The following GRID1 variants were observed in gnomAD, a reference collection of about 807,000 sequenced individuals.
The protein encoded by GRID1 is glutamate receptor ionotropic, delta-1.
Under a neutral mutation model 98.0 loss-of-function variants are expected in GRID1, and 28 were observed. The ratio of observed to expected loss-of-function variants is 0.29; its 90% CI spans 0.21 to 0.39. GRID1 has a LOEUF of 0.39. Among genes scored for constraint, GRID1 ranks in the 10% least tolerant of loss-of-function variants. The pLI, the probability that GRID1 is intolerant of heterozygous loss-of-function variation, is 1.00. For missense variants in GRID1, 1,111 were observed against 1,340.5 expected (o/e 0.83, Z 2.67); for synonymous variants, 553 against 538.5 (o/e 1.03, Z -0.37).
At chr10:85,825,536 A>G (rs1173625149) in intron 8 of GRID1, among the ~76,000 whole-genome samples, 1 of 152,140 alleles carries the variant, frequency 6.6e-6, no homozygotes, top group Non-Finnish European at 1.5e-5. Flanking sequence ...TTTGAATTTA[A>G]TTATGTTAAA....
At chr10:85,665,629 G>A (rs1294587181) in intron 12 of GRID1, among the ~76,000 whole-genome samples, 1 of 152,184 alleles carries the variant, frequency 6.6e-6, no homozygotes, top group Non-Finnish European at 1.5e-5. Flanking sequence ...TTGCTTGACA[G>A]TCTAATTCCA....
chr10:86,303,877 T>G (rs1847723672), intron 2 of GRID1, among the ~76,000 whole-genome samples: 1 of 152,258 alleles, frequency 6.6e-6, no homozygotes, highest in African/African-American at 2.4e-5. Flanking sequence ...CTCTAAGATC[T>G]GCCTCCACAT....
chr10:85,971,482 T>C (rs912475044), intron 4 of GRID1, among the ~76,000 whole-genome samples: 1 of 149,674 alleles, frequency 6.7e-6, no homozygotes, highest in Non-Finnish European at 1.5e-5. Context: ...AATTATCCTG[T>C]AAATCAAAAA....
chr10:86,133,569 C>G (rs1403219439), intron 4 of GRID1, among the ~76,000 whole-genome samples: 1 of 152,222 alleles, frequency 6.6e-6, no homozygotes, highest in Non-Finnish European at 1.5e-5. Flanking sequence ...AGACCAAAGC[C>G]CTTGCTGATG....
chr10:86,030,304 A>G (rs1046934270), intron 4 of GRID1, among the ~76,000 whole-genome samples: 1 of 152,276 alleles, frequency 6.6e-6, no homozygotes, highest in Non-Finnish European at 1.5e-5. Flanking sequence ...AGCATGTCTT[A>G]GATGGTCTGT....
chr10:86,186,042 G>A (rs758518329), intron 3 of GRID1, among the ~76,000 whole-genome samples: 15 of 152,182 alleles, frequency 9.9e-5, no homozygotes, highest in African/African-American at 2.4e-4. Context: ...AGCTATCTGC[G>A]TCTGGAGTTT....
chr10:86,096,879 G>T (rs559489982), intron 4 of GRID1, among the ~76,000 whole-genome samples: 3 of 152,204 alleles, frequency 2.0e-5, no homozygotes, highest in Non-Finnish European at 2.9e-5. Flanking sequence ...GGATTCACGG[G>T]TCCAGGAATC....
chr10:85,908,454 T>A (rs1050767433), intron 5 of GRID1, among the ~76,000 whole-genome samples: 5 of 151,898 alleles, frequency 3.3e-5, no homozygotes, highest in African/African-American at 1.2e-4. Flanking sequence ...ACTGACAATA[T>A]AAAATTCTAA....
intron 12 of GRID1, among the ~76,000 whole-genome samples, chr10:85,701,391 A>G (rs568623615): frequency 3.3e-5 from 5 of 150,786 alleles, no homozygotes; most frequent in South Asian, 4.2e-4. Context: ...GAAAAAAAAA[A>G]GGTTACAAAA....
intron 4 of GRID1, among the ~76,000 whole-genome samples, chr10:86,040,114 T>C (rs963547931): frequency 4.6e-5 from 7 of 152,190 alleles, no homozygotes; most frequent in African/African-American, 9.7e-5. Flanking sequence ...AGATGGTCTC[T>C]GGAAATGGGA....
rs186059030 is a variant in GRID1, at chr10:86,004,623, C to G, written c.727-88384G>C. On this transcript the variant is annotated intron_variant, in intron 4 of 15. Transcript: ENST00000327946. ...ACTTCATCTGCATTATTGGCCCTCT[C>G]CTGGGTCTCCAACCTGCTGGCTCAC... Among the ~76,000 whole-genome samples, 402 of 152,272 alleles carry G rather than the reference C, an allele frequency of 2.6e-3. 2 individuals are homozygous for G. The highest frequency in any genetic ancestry group is 8.9e-3 in the African/African-American group (370 of 41,558).
At chr10:85,715,320 G>A (rs1012617096) in intron 12 of GRID1, among the ~76,000 whole-genome samples, 2 of 152,262 alleles carry the variant, frequency 1.3e-5, no homozygotes, top group Admixed American at 6.5e-5. Flanking sequence ...GGTCTGGGGC[G>A]TGATTTTTTG....
intron 8 of GRID1, among the ~76,000 whole-genome samples, chr10:85,819,590 A>G (rs1842744307): frequency 6.6e-6 from 1 of 152,144 alleles, no homozygotes; most frequent in Non-Finnish European, 1.5e-5. Context: ...TTCTTCCCCA[A>G]AATTCATAAC....
intron 3 of GRID1, among the ~76,000 whole-genome samples, chr10:86,205,444 A>G (rs1380255553): frequency 6.6e-6 from 1 of 152,158 alleles, no homozygotes; most frequent in African/African-American, 2.4e-5. Context: ...TACACATGTG[A>G]TTTTTAAAAT....
chr10:86,057,584 T>A (rs1843592435), intron 4 of GRID1, among the ~76,000 whole-genome samples: 1 of 152,106 alleles, frequency 6.6e-6, no homozygotes, highest in Non-Finnish European at 1.5e-5. Flanking sequence ...GTTCCCAACA[T>A]CCCAATTTCC....
intron 12 of GRID1, among the ~76,000 whole-genome samples, chr10:85,658,523 C>T (rs1012143215): frequency 6.6e-5 from 10 of 152,204 alleles, no homozygotes; most frequent in African/African-American, 1.9e-4. Flanking sequence ...GATACAAAAA[C>T]CTGTCCATAT....
chr10:86,212,045 G>C (rs1370820526), intron 2 of GRID1, among the ~76,000 whole-genome samples: 1 of 152,182 alleles, frequency 6.6e-6, no homozygotes, highest in Non-Finnish European at 1.5e-5. Flanking sequence ...GGTGCCCTCA[G>C]ACATTGAGGT....
chr10:86,347,372 C>T (rs1164293564), intron 2 of GRID1, among the ~76,000 whole-genome samples: 1 of 152,228 alleles, frequency 6.6e-6, no homozygotes, highest in African/African-American at 2.4e-5. Context: ...GCCTCTTTCA[C>T]TCTCAGTCCA....
chr10:85,758,760 C>T (rs1161533011), intron 8 of GRID1, among the ~76,000 whole-genome samples: 1 of 152,122 alleles, frequency 6.6e-6, no homozygotes, highest in Non-Finnish European at 1.5e-5. Flanking sequence ...CCTCATAGGG[C>T]TATGGATAGG....
Sources: allele counts gnomAD v4.1 joint callset (sites outside exome capture counted in the v4.1 genomes callset), GRCh38; gene constraint gnomAD v4.1.1; transcripts MANE v1.5; gene names NCBI Gene and HGNC (gene_info 2026-07-23, HGNC 2026-07-21).